MAST4: variants seen among roughly 807,000 people sequenced by gnomAD.
The protein encoded by MAST4 is microtubule associated serine/threonine kinase family member 4.
Under a neutral mutation model 162.7 loss-of-function variants are expected in MAST4, and 89 were observed. That is an observed-to-expected ratio of 0.55 (90% confidence interval 0.46 to 0.65). The LOEUF (loss-of-function observed/expected upper bound fraction) is 0.65, where lower values mean the gene tolerates loss of function less well. MAST4 is among the 30% of genes least tolerant of loss of function. The pLI is 0.00. For missense variants in MAST4, 3,153 were observed against 3,374.0 expected, an observed-to-expected ratio of 0.93 and a Z score of 1.62; for synonymous variants, 1,479 against 1,361.1, an observed-to-expected ratio of 1.09 and a Z score of -1.91.
chr5:66,965,242 T>TTTTTTTTTTTTTTC (rs1561485979), intron 4 of MAST4, among the ~76,000 whole-genome samples: 1 of 147,262 alleles, frequency 6.8e-6, no homozygotes, highest in African/African-American at 2.5e-5. Flanking sequence ...TTTTTTTTTT[T>TTTTTTTTTTTTTTC]CCCTATCTGG....
chr5:67,110,528 T>G (rs1256829262), intron 11 of MAST4, among the ~76,000 whole-genome samples: 1 of 152,220 alleles, frequency 6.6e-6, no homozygotes, highest in South Asian at 2.1e-4. Context: ...TACCACACTT[T>G]TTTGGAATTG....
At chr5:66,893,693 G>C (rs970964010) in intron 3 of MAST4, among the ~76,000 whole-genome samples, 3 of 152,150 alleles carry the variant, frequency 2.0e-5, no homozygotes, top group African/African-American at 7.2e-5. Context: ...TATTTTACAG[G>C]CTGTGTGGTT....
chr5:67,152,938 TAAATAGC>T, intron 25 of MAST4, 72 bp downstream of exon 25: 1 of 1,226,770 alleles, frequency 8.2e-7, no homozygotes. Context: ...GGTTGGCTGA[TAAATAGC>T]AAATATATTT....
At chr5:67,144,888 G>T (rs1464670185) in intron 22 of MAST4, 92 bp downstream of exon 22, 1 of 1,425,172 alleles carries the variant, frequency 7.0e-7, no homozygotes, top group Non-Finnish European at 9.5e-7. Context: ...TGGGGGGCTT[G>T]TTAAAACACA....
chr5:66,687,572 ATGTATATG>A (rs1748754925), intron 1 of MAST4, among the ~76,000 whole-genome samples: 1 of 151,200 alleles, frequency 6.6e-6, no homozygotes, highest in African/African-American at 2.5e-5. Context: ...ATATATACAC[ATGTATATG>A]TGTATATATA....
intron 1 of MAST4, among the ~76,000 whole-genome samples, chr5:66,714,848 T>C (rs10940081): frequency 0.37 from 56,854 of 152,080 alleles, 10,690 homozygotes; most frequent in South Asian, 0.39. Flanking sequence ...GTCCTACCTG[T>C]GGTTTTGCTG....
At chr5:66,794,310 C>T (rs564562116) in intron 3 of MAST4, among the ~76,000 whole-genome samples, 102 of 152,302 alleles carry the variant, frequency 6.7e-4, no homozygotes, top group Non-Finnish European at 1.2e-3. Flanking sequence ...TCAGTTAGGG[C>T]TGACTGTGTA....
chr5:67,029,046 G>A lies in MAST4; in HGVS notation c.675-25358G>A, dbSNP rs186137176. Reference sequence around the variant, plus strand: ...GCTACCTGAGATGCTGAAGTGAGAAGATCACTTGAGCCTGGGAGGTTGAGA... The same window carrying A: ...GCTACCTGAGATGCTGAAGTGAGAAAATCACTTGAGCCTGGGAGGTTGAGA... On this transcript the variant is annotated intron_variant, in intron 4 of 28. Coordinates refer to ENST00000403625, the MANE Select transcript of MAST4 (RefSeq NM_001164664.2). Among the ~76,000 whole-genome samples, 72 of 151,870 alleles carry A rather than the reference G, an allele frequency of 4.7e-4. 3 individuals are homozygous for A. Among genetic ancestry groups the A allele is most frequent in the African/African-American group, 1.6e-3 (67 of 41,406 alleles).
intron 5 of MAST4, among the ~76,000 whole-genome samples, chr5:67,083,385 C>G (rs985124460): frequency 3.3e-5 from 5 of 151,302 alleles, no homozygotes; most frequent in African/African-American, 1.2e-4. Flanking sequence ...TATTTTTTAA[C>G]TAAGAGCCAA....
rs1260308434 is a variant in MAST4 at position 67,163,909 on chromosome 5, A to C, written c.4730A>C (p.Tyr1577Ser). Reference protein sequence around the residue: ...FKLEEREKKVYPKAVERSSTF... With the variant: ...FKLEEREKKVSPKAVERSSTF... The stretch of plus-strand genomic sequence containing the variant: ...CTGGAAGAGAGAGAGAAGAAAGTCT[A>C]TCCGAAGGCTGTGGAAAGGTCAAGT... The change falls in exon 29 of 29, where the codon TAT (tyrosine) becomes TCT (serine). Residue 1577 changes from tyrosine to serine, a missense_variant. Tyr to Ser is a moderately radical substitution (Grantham distance 144, BLOSUM62 -2). Around this residue, in one of 7 missense-constraint regions of MAST4, gnomAD observed 1,644 missense variants for 1,495.0 expected, o/e 1.10. Transcript: ENST00000403625. This position sits in a 1 kb window ranked among gnomAD's most constrained non-coding sequence, Gnocchi z 7.0. The C allele has an allele frequency of 6.2e-7, 1 of 1,613,900 alleles. No homozygotes were observed. The highest frequency in any genetic ancestry group is 1.3e-5 in the African/African-American group (1 of 74,944).
chr5:66,727,989 G>A (rs1751625495), intron 1 of MAST4, among the ~76,000 whole-genome samples: 1 of 152,002 alleles, frequency 6.6e-6, no homozygotes, highest in Admixed American at 6.6e-5. Flanking sequence ...ACCATTGTTG[G>A]TTTTCTCTGA....
intron 1 of MAST4, among the ~76,000 whole-genome samples, chr5:66,633,740 T>A (rs1400460081): frequency 6.6e-6 from 1 of 152,226 alleles, no homozygotes; most frequent in Admixed American, 6.5e-5. Context: ...GTTGCTCAAT[T>A]TATTTTTTTA....
chr5:66,999,900 A>G (rs1751091997), intron 4 of MAST4, among the ~76,000 whole-genome samples: 1 of 152,152 alleles, frequency 6.6e-6, no homozygotes, highest in Admixed American at 6.5e-5. Context: ...CTATCTTTTT[A>G]TCTTTCTCCA....
In MAST4 at chr5:66,790,548, T is replaced by C. The variant is rs117140529; in HGVS notation, c.642+1754T>C. 1.8e-4 allele frequency among the ~76,000 whole-genome samples: 28 copies of C among 152,346 alleles called. No individual in the cohort carries two copies. In the East Asian group the frequency reaches 5.0e-3, roughly 27 times the overall value. On this transcript the variant is annotated intron_variant, in intron 3 of 28. Transcript: ENST00000403625. The stretch of plus-strand genomic sequence containing the variant: ...AAATATTGGGACTTTTAGTTCATTT[T>C]TATTTTCATTTTTAGGGACAAAGTC...
chr5:67,015,209 G>A (rs140565717), intron 4 of MAST4, among the ~76,000 whole-genome samples: 1 of 152,106 alleles, frequency 6.6e-6, no homozygotes, highest in Non-Finnish European at 1.5e-5. Context: ...AAGGAAGCTC[G>A]TCATGACCTA....
intron 14 of MAST4, among the ~76,000 whole-genome samples, chr5:67,129,723 CAA>C (rs887110911): frequency 9.6e-5 from 6 of 62,280 alleles, no homozygotes; most frequent in Admixed American, 2.2e-4. Flanking sequence ...GACTCCATCT[CAA>C]AAAAAAAAAA....
intron 4 of MAST4, among the ~76,000 whole-genome samples, chr5:66,907,270 G>A (rs1326577992): frequency 1.3e-5 from 2 of 148,620 alleles, no homozygotes; most frequent in Non-Finnish European, 2.9e-5. Context: ...GAACAGAAGA[G>A]GCCAGGCTTC....
chr5:66,683,645 A>G (rs1748464184), intron 1 of MAST4, among the ~76,000 whole-genome samples: 1 of 152,154 alleles, frequency 6.6e-6, no homozygotes, highest in South Asian at 2.1e-4. Flanking sequence ...GTGCCCACCT[A>G]AAAACCACTC....
intron 4 of MAST4, among the ~76,000 whole-genome samples, chr5:66,980,885 T>A (rs540723387): frequency 1.3e-5 from 2 of 152,322 alleles, no homozygotes; most frequent in African/African-American, 4.8e-5. Context: ...AGCCTTCTGC[T>A]TCTGACGTTG....
Sources: gnomAD v4.1 joint callset for allele counts (sites outside exome capture counted in the v4.1 genomes callset) on GRCh38, gnomAD v4.1.1 for gene constraint, gnomAD v4.1.1 regional missense constraint, Gnocchi (gnomAD v3.1) non-coding constraint, MANE v1.5 for transcripts, NCBI Gene and HGNC (gene_info 2026-07-23, HGNC 2026-07-21) for gene names.